The following CAMK1 variants were observed in gnomAD, a reference collection of about 807,000 sequenced individuals.
CAMK1 encodes the protein calcium/calmodulin-dependent protein kinase type 1.
CAMK1 carries 39 observed loss-of-function variants against 49.1 expected under a neutral mutation model. The observed-to-expected ratio is 0.79, with a 90% CI of 0.62 to 1.04. The LOEUF is 1.04. Ranked by LOEUF, CAMK1 falls within the 50% of genes least tolerant of loss-of-function variation. CAMK1 has a pLI of 0.00. For synonymous variants in CAMK1, 192 were observed against 185.2 expected (o/e 1.04, Z -0.30); for missense variants, 457 against 472.2 (o/e 0.97, Z 0.30).
intron 3 of CAMK1, among the ~76,000 whole-genome samples, chr3:9,763,841 C>T (rs2078009537): frequency 6.6e-6 from 1 of 152,074 alleles, no homozygotes; most frequent in South Asian, 2.1e-4. Flanking sequence ...CAAAAATTAG[C>T]CAGGCATGGT....
chr3:9,760,010 A>G lies in CAMK1; in HGVS notation c.746-260T>C, dbSNP rs11918940. ...GTAATCCCAGCACTTTGGGAGGCCA[A>G]TGCAGGTGGATCACGAGGTCAGGAG... is the stretch of plus-strand genomic sequence containing the variant. On this transcript the variant is annotated intron_variant, in intron 8 of 11. Transcript: ENST00000256460. 1.5e-3 allele frequency: 591 copies of G among 401,250 alleles called. 5 individuals are homozygous for G. Among genetic ancestry groups the G allele is most frequent in the African/African-American group, 9.8e-3 (487 of 49,636 alleles). The allele number at this position is 401,250 out of a possible 1,614,324, so 24.9% of individuals were successfully genotyped here. A position where few individuals can be genotyped will look rare whatever the true frequency, so the allele number is the denominator to read the frequency against.
At chr3:9,764,522 G>A (rs755260658) in intron 3 of CAMK1, among the ~76,000 whole-genome samples, 4 of 151,750 alleles carry the variant, frequency 2.6e-5, no homozygotes, top group Non-Finnish European at 4.4e-5. Context: ...ATGTTGGTCA[G>A]GCTGGTTTGG....
In CAMK1 at chr3:9,769,836, G is replaced by A. The variant is rs578210841; in HGVS notation, c.-37C>T. ...GGATGGGGGGCCCGGCTGTACCTGCGGCTGCCCCGCCGCGGGGCTGGCTGG... is the reference window on the plus strand; with the variant it reads ...GGATGGGGGGCCCGGCTGTACCTGCAGCTGCCCCGCCGCGGGGCTGGCTGG... On this transcript the variant is annotated 5_prime_UTR_variant, in exon 1 of 12. Transcript: ENST00000256460. 2 of 152,376 alleles carry A rather than the reference G, an allele frequency of 1.3e-5. No individual in the cohort carries two copies. The highest frequency in any genetic ancestry group is 1.9e-4 in the East Asian group (1 of 5,178). The allele number at this position is 152,376 out of a possible 1,614,324, so 9.4% of individuals were successfully genotyped here. A position where few individuals can be genotyped will look rare whatever the true frequency, so the allele number is the denominator to read the frequency against.
In CAMK1 at chr3:9,761,274, G is replaced by T. The variant is rs775703128; in HGVS notation, c.632+187C>A. ...TTTGTGCTGTGCTAAATTTACCCCAGTGCTTGCTTGGCACAGTGCTTGAAA... is the reference window on the plus strand; with the variant it reads ...TTTGTGCTGTGCTAAATTTACCCCATTGCTTGCTTGGCACAGTGCTTGAAA... On this transcript the variant is annotated intron_variant, in intron 7 of 11. Transcript: ENST00000256460. 46 of 615,866 alleles carry T rather than the reference G, an allele frequency of 7.5e-5. No individual in the cohort carries two copies. In the Middle Eastern group the frequency reaches 1.8e-3, roughly 24 times the overall value. 38.2% of individuals were successfully genotyped at this position (615,866 alleles called of 1,614,324 possible).
At chr3:9,765,658 G>T in intron 3 of CAMK1, 101 bp downstream of exon 3, 1 of 1,373,882 alleles carries the variant, frequency 7.3e-7, no homozygotes, top group South Asian at 1.3e-5. Flanking sequence ...GCAATTTAAG[G>T]CTTAGAGAGT....
In CAMK1 at chr3:9,764,628, G is replaced by GT. The variant is rs55972033; in HGVS notation, c.215+1130dup. 4.5e-3 allele frequency among the ~76,000 whole-genome samples: 418 copies of GT among 92,298 alleles called. 3 individuals are homozygous for GT. The highest frequency in any genetic ancestry group is 0.017 in the Middle Eastern group (2 of 120). 60.6% of individuals were successfully genotyped at this position (92,298 alleles called of 152,430 possible). On this transcript the variant is annotated intron_variant, in intron 3 of 11. Coordinates refer to ENST00000256460, the MANE Select transcript of CAMK1 (RefSeq NM_003656.5). ...CGCCTGGCGTTTTTGTTTTTTTTTT[G>GT]TTTTTTTTTTTTTTTTTGAGATGGA...
intron 10 of CAMK1, chr3:9,759,198 C>T: frequency 6.2e-7 from 1 of 1,613,666 alleles, no homozygotes; most frequent in Non-Finnish European, 8.5e-7. Context: ...TCTGTCAGGT[C>T]ATCACCACTT....
At chr3:9,767,405 T>C (rs916650711) in intron 2 of CAMK1, among the ~76,000 whole-genome samples, 5 of 152,254 alleles carry the variant, frequency 3.3e-5, no homozygotes, top group Non-Finnish European at 2.9e-5. Flanking sequence ...CACTTAGCTC[T>C]TGGCAGCAAG....
At chr3:9,760,417 T>C in intron 8 of CAMK1, 1 of 454,460 alleles carries the variant, frequency 2.2e-6, no homozygotes, top group South Asian at 2.3e-5. Context: ...AGAGGTATTT[T>C]CAAATAGACT....
rs183267694 is a variant in CAMK1 at position 9,769,151 on chromosome 3, G to A, written c.-33+681C>T. ...CAGTGCCCCAGACAGCCCTGCACCC[G>A]AACACCTGCCTGTCCATCCAAACAT... On this transcript the variant is annotated intron_variant, in intron 1 of 11. Coordinates refer to ENST00000256460, the MANE Select transcript of CAMK1 (RefSeq NM_003656.5). 5.3e-5 allele frequency among the ~76,000 whole-genome samples: 8 copies of A among 151,522 alleles called. No individual in the cohort carries two copies. The East Asian group carries it at 9.7e-4, about 18-fold the overall frequency.
chr3:9,757,808 C>T lies in CAMK1; in HGVS notation c.951G>A (p.Arg317=). The T allele has an allele frequency of 6.2e-7, 1 of 1,613,256 alleles. No individual in the cohort carries two copies. Among genetic ancestry groups the T allele is most frequent in the Non-Finnish European group, 8.5e-7 (1 of 1,179,294 alleles). Residue 317 remains arginine, a synonymous_variant, in exon 11 of 12, where the codon AGG becomes AGA. Transcript: ENST00000256460. The surrounding 1 kb of genome is among the most constrained non-coding windows in gnomAD (Gnocchi z 4.5). The stretch of plus-strand genomic sequence containing the variant: ...CCTGGCTGGTGCCCAGCTGCAGTTT[C>T]CTCATGTGCCGCACCACAGCCGTGG... ...FNATAVVRHM[R]KLQLGTSQEG... is the part of the protein sequence containing the mutation.
intron 10 of CAMK1, 167 bp from the exon 11 acceptor site, chr3:9,758,013 T>C: frequency 1.9e-6 from 2 of 1,072,734 alleles, no homozygotes; most frequent in South Asian, 1.7e-5. Flanking sequence ...GGCTTTATTA[T>C]ATATTTACAC....
At chr3:9,769,753 A>G (rs1306263657) in intron 1 of CAMK1, 79 bp downstream of exon 1, 1 of 152,256 alleles carries the variant, frequency 6.6e-6, no homozygotes, top group Non-Finnish European at 1.5e-5. Flanking sequence ...ACTCCTTGGG[A>G]AAGGATACCC....
rs56094164 is a variant in CAMK1 at position 9,757,726 on chromosome 3, C to T, written c.1030+3G>A. The T allele has an allele frequency of 3.6e-4, 589 of 1,614,152 alleles. 6 individuals are homozygous for T. In the African/African-American group the frequency reaches 7.1e-3, roughly 19 times the overall value. On this transcript the variant is annotated splice_donor_region_variant and intron_variant, in intron 11 of 11. Transcript: ENST00000256460. The surrounding 1 kb of genome is among the most constrained non-coding windows in gnomAD (Gnocchi z 4.5). ...ATGCCCTTCTGCAGAGCCCGCTCCTCACCCCCAGCCACTGGTGTCAGCAGC... is the reference window on the plus strand; with the variant it reads ...ATGCCCTTCTGCAGAGCCCGCTCCTTACCCCCAGCCACTGGTGTCAGCAGC...
chr3:9,758,077 A>G (rs2077671666), intron 10 of CAMK1: 3 of 541,114 alleles, frequency 5.5e-6, no homozygotes, highest in Non-Finnish European at 9.2e-6. Context: ...AAATAGAAAC[A>G]TAACTATAAT....
At chr3:9,761,348 A>G (rs751889042) in intron 7 of CAMK1, 113 bp downstream of exon 7, 15 of 1,059,796 alleles carry the variant, frequency 1.4e-5, no homozygotes, top group East Asian at 7.4e-5. Context: ...TGGTGGAAGG[A>G]AGGGAGGGAG....
chr3:9,764,882 C>A (rs897764382), intron 3 of CAMK1, among the ~76,000 whole-genome samples: 2 of 151,976 alleles, frequency 1.3e-5, no homozygotes, highest in African/African-American at 4.8e-5. Flanking sequence ...CTCAGCTCTG[C>A]CACAAACTTG....
At chr3:9,761,937 G>A (rs2077897110) in intron 5 of CAMK1, 180 bp from the exon 6 acceptor site, 3 of 832,708 alleles carry the variant, frequency 3.6e-6, no homozygotes, top group South Asian at 1.8e-5. Context: ...GGAAGGACAA[G>A]GCTCAAGAGG....
chr3:9,758,843 T>A (rs2077711292), intron 10 of CAMK1: 2 of 308,284 alleles, frequency 6.5e-6, no homozygotes, highest in African/African-American at 4.4e-5. Flanking sequence ...TTGGCCAGGA[T>A]GGTCTTGAAC....
Sources: allele counts gnomAD v4.1 joint callset (sites outside exome capture counted in the v4.1 genomes callset), GRCh38; gene constraint gnomAD v4.1.1; non-coding constraint Gnocchi (gnomAD v3.1); transcripts MANE v1.5; gene names NCBI Gene and HGNC (gene_info 2026-07-23, HGNC 2026-07-21).